DHX15: variants seen among roughly 807,000 people sequenced by gnomAD.
The protein encoded by DHX15 is DEAH-box helicase 15.
A neutral mutation model predicts 94.4 loss-of-function variants in DHX15; 11 were observed. That is an observed-to-expected ratio of 0.12 (90% CI 0.07 to 0.19). The LOEUF (loss-of-function observed/expected upper bound fraction) is 0.19. DHX15 is among the 10% of genes least tolerant of loss of function. The pLI is 1.00. For missense variants in DHX15, 304 were observed against 988.5 expected, an observed-to-expected ratio of 0.31 and a Z score of 9.29; for synonymous variants, 338 against 329.9, an observed-to-expected ratio of 1.02 and a Z score of -0.27.
chr4:24,539,883 G>C (rs1721274389), intron 10 of DHX15: 1 of 339,056 alleles, frequency 2.9e-6, no homozygotes, highest in South Asian at 1.2e-4. Context: ...TAGCACTCAA[G>C]AGAGCCAATG....
At chr4:24,555,677 A>C (rs914639037) in intron 4 of DHX15, among the ~76,000 whole-genome samples, 1 of 152,218 alleles carries the variant, frequency 6.6e-6, no homozygotes, top group Non-Finnish European at 1.5e-5. Context: ...ATACACACAC[A>C]ACACAGCAAA....
chr4:24,567,878 A>G (rs951091795), intron 3 of DHX15, among the ~76,000 whole-genome samples: 3 of 152,202 alleles, frequency 2.0e-5, no homozygotes, highest in African/African-American at 7.2e-5. Flanking sequence ...AGGAAATATA[A>G]AAACCATTTA....
chr4:24,532,591 T>C (rs2109391861), intron 12 of DHX15, among the ~76,000 whole-genome samples: 1 of 152,360 alleles, frequency 6.6e-6, no homozygotes, highest in African/African-American at 2.4e-5. Flanking sequence ...CCATTTTGTA[T>C]AACAAAGGCT....
chr4:24,570,302 TA>T (rs1175896832), intron 3 of DHX15, among the ~76,000 whole-genome samples: 1 of 152,196 alleles, frequency 6.6e-6, no homozygotes, highest in Non-Finnish European at 1.5e-5. Flanking sequence ...TTCTTCTTTC[TA>T]AAAGTAGTTA....
At chr4:24,564,536 C>G (rs1370967845) in intron 3 of DHX15, among the ~76,000 whole-genome samples, 1 of 152,184 alleles carries the variant, frequency 6.6e-6, no homozygotes, top group Non-Finnish European at 1.5e-5. Flanking sequence ...TGTGAAATCT[C>G]TATACATTCA....
intron 5 of DHX15, among the ~76,000 whole-genome samples, chr4:24,554,105 C>T: frequency 6.6e-6 from 1 of 152,056 alleles, no homozygotes. Flanking sequence ...GTAGTCCCAG[C>T]TACTTGGGAG....
intron 6 of DHX15, among the ~76,000 whole-genome samples, chr4:24,548,331 G>A (rs1721503619): frequency 6.6e-6 from 1 of 151,978 alleles, no homozygotes; most frequent in Non-Finnish European, 1.5e-5. Context: ...TTTCAATACA[G>A]ACAGGGTTTC....
At chr4:24,547,949 C>CTATATATCTATATCTA (rs138625312) in intron 6 of DHX15, among the ~76,000 whole-genome samples, 4 of 91,308 alleles carry the variant, frequency 4.4e-5, no homozygotes, top group Non-Finnish European at 9.3e-5. Flanking sequence ...ATATCTATAT[C>CTATATATCTATATCTA]TATATCTATA....
chr4:24,532,051 GAGAT>G (rs1217668761), intron 12 of DHX15, among the ~76,000 whole-genome samples: 4 of 152,160 alleles, frequency 2.6e-5, no homozygotes, highest in Non-Finnish European at 4.4e-5. Flanking sequence ...AAACAGAAAA[GAGAT>G]AGAAGAGACT....
In DHX15 at chr4:24,550,094, C is replaced by CAAAAAAAAAAAAAAAAAAAAAA. The variant is rs58459661; in HGVS notation, c.1081-1094_1081-1073dup. The stretch of plus-strand genomic sequence containing the variant: ...GGGCAAAAAGAGGGAAACTCCGTCT[C>CAAAAAAAAAAAAAAAAAAAAAA]AAAAAAAAAAAAAAAAAAAAAAAAA... On this transcript the variant is annotated intron_variant, in intron 5 of 13. Transcript: ENST00000336812. Among the ~76,000 whole-genome samples, 88 of 49,740 alleles carry CAAAAAAAAAAAAAAAAAAAAAA rather than the reference C, an allele frequency of 1.8e-3. 16 individuals are homozygous for CAAAAAAAAAAAAAAAAAAAAAA. The highest frequency in any genetic ancestry group is 3.6e-3 in the South Asian group (3 of 836). The allele number at this position is 49,740 out of a possible 152,430, so 32.6% of individuals were successfully genotyped here.
intron 5 of DHX15, among the ~76,000 whole-genome samples, chr4:24,552,704 G>A (rs187854304): frequency 3.1e-4 from 47 of 152,214 alleles, no homozygotes; most frequent in Non-Finnish European, 6.8e-4. Flanking sequence ...AAAACGTTAG[G>A]TTTTCTGCTA....
At chr4:24,533,163 G>T in intron 11 of DHX15, 109 bp from the exon 12 acceptor site, 1 of 962,032 alleles carries the variant, frequency 1.0e-6, no homozygotes, top group South Asian at 1.3e-5. Flanking sequence ...AAACCAGAAA[G>T]GAGATTTACC....
At chr4:24,536,486 T>A (rs563847653) in intron 11 of DHX15, among the ~76,000 whole-genome samples, 3 of 152,322 alleles carry the variant, frequency 2.0e-5, no homozygotes, top group Admixed American at 2.0e-4. Context: ...TTTCAATATC[T>A]GCAAATTTTA....
chr4:24,559,582 TCC>T (rs1553951069), intron 3 of DHX15, among the ~76,000 whole-genome samples: 1 of 152,108 alleles, frequency 6.6e-6, no homozygotes, highest in Non-Finnish European at 1.5e-5. Context: ...GAAATATTTA[TCC>T]AGGCTAAGGA....
intron 2 of DHX15, among the ~76,000 whole-genome samples, chr4:24,571,264 T>A (rs1577349271): frequency 6.7e-6 from 1 of 149,686 alleles, no homozygotes; most frequent in Non-Finnish European, 1.5e-5. Flanking sequence ...GCTGTACTTT[T>A]ATTTAATTCA....
chr4:24,560,187 C>A (rs1721836133), intron 3 of DHX15, among the ~76,000 whole-genome samples: 3 of 151,644 alleles, frequency 2.0e-5, no homozygotes, highest in Non-Finnish European at 4.4e-5. Flanking sequence ...AACATTACAT[C>A]CTGCAAATAT....
intron 6 of DHX15, among the ~76,000 whole-genome samples, chr4:24,543,259 CAGGT>C (rs1387803841): frequency 2.0e-5 from 3 of 152,136 alleles, no homozygotes; most frequent in Non-Finnish European, 4.4e-5. Flanking sequence ...GCTATTACTT[CAGGT>C]TATCACTCAA....
At chr4:24,547,022 T>C (rs779778540) in intron 6 of DHX15, among the ~76,000 whole-genome samples, 4 of 152,224 alleles carry the variant, frequency 2.6e-5, no homozygotes, top group Non-Finnish European at 5.9e-5. Flanking sequence ...ATGAAAACTT[T>C]AAATTTGTGC....
intron 3 of DHX15, among the ~76,000 whole-genome samples, chr4:24,567,304 C>T (rs1418823572): frequency 6.6e-6 from 1 of 152,144 alleles, no homozygotes; most frequent in East Asian, 1.9e-4. Context: ...CCAGGCTGGG[C>T]GTGGTGGCGG....
Sources: allele counts gnomAD v4.1 joint callset (sites outside exome capture counted in the v4.1 genomes callset), GRCh38; gene constraint gnomAD v4.1.1; transcripts MANE v1.5; gene names NCBI Gene and HGNC (gene_info 2026-07-23, HGNC 2026-07-21).